FGF12: variants seen among roughly 807,000 people sequenced by gnomAD.
The protein encoded by FGF12 is fibroblast growth factor 12B.
In FGF12, 14 loss-of-function variants were observed where a neutral mutation model predicts 23.6. The ratio of observed to expected loss-of-function variants is 0.59; its 90% CI spans 0.39 to 0.93. The LOEUF (loss-of-function observed/expected upper bound fraction) is 0.93, where lower values mean the gene tolerates loss of function less well. Among genes scored for constraint, FGF12 ranks in the 40% least tolerant of loss-of-function variants. The probability of loss-of-function intolerance (pLI) is 0.00; values close to 1 mark genes in which losing one functional copy is unlikely to be tolerated. For synonymous variants in FGF12, 62 were observed against 77.3 expected, an observed-to-expected ratio of 0.80 and a Z score of 1.04; for missense variants, 175 against 217.8, an observed-to-expected ratio of 0.80 and a Z score of 1.24.
intron 2 of FGF12, among the ~76,000 whole-genome samples, chr3:192,472,086 G>A (rs533527287): frequency 3.3e-5 from 5 of 151,892 alleles, no homozygotes; most frequent in Admixed American, 1.3e-4. Flanking sequence ...GTGTGATCTC[G>A]GCTCACTGCA....
chr3:192,334,438 AGG>A (rs10575981), intron 4 of FGF12, among the ~76,000 whole-genome samples: 1,802 of 152,232 alleles, frequency 0.012, 43 homozygotes, highest in African/African-American at 0.041. Flanking sequence ...ATAAAAAGTA[AGG>A]GTGGAAATCT....
At chr3:192,479,268 C>T (rs535617917) in intron 2 of FGF12, among the ~76,000 whole-genome samples, 2 of 152,264 alleles carry the variant, frequency 1.3e-5, no homozygotes, top group South Asian at 2.1e-4. Context: ...CACCATCATC[C>T]TTTCAGAAGG....
chr3:192,149,101 T>C (rs577029246), intron 5 of FGF12, among the ~76,000 whole-genome samples: 1 of 152,314 alleles, frequency 6.6e-6, no homozygotes, highest in African/African-American at 2.4e-5. Flanking sequence ...AGTGAAGAGT[T>C]AATATACTTA....
At chr3:192,443,575 A>C (rs997176928) in intron 2 of FGF12, among the ~76,000 whole-genome samples, 18 of 152,254 alleles carry the variant, frequency 1.2e-4, no homozygotes, top group African/African-American at 4.1e-4. Context: ...TTCTGCTTCA[A>C]AACTTACAGC....
intron 3 of FGF12, among the ~76,000 whole-genome samples, chr3:192,346,040 T>TA (rs5855418): frequency 0.5 from 75,118 of 151,588 alleles, 20,983 homozygotes; most frequent in East Asian, 0.84. Flanking sequence ...TTTTAGAAAT[T>TA]AGGGATAAAA....
At chr3:192,373,970 C>A (rs1270693962) in intron 2 of FGF12, among the ~76,000 whole-genome samples, 1 of 152,174 alleles carries the variant, frequency 6.6e-6, no homozygotes, top group Non-Finnish European at 1.5e-5. Flanking sequence ...AGACGGTCAG[C>A]TTGACTTTAA....
At chr3:192,607,968 T>C (rs983162619) in intron 2 of FGF12, among the ~76,000 whole-genome samples, 1 of 152,108 alleles carries the variant, frequency 6.6e-6, no homozygotes, top group Non-Finnish European at 1.5e-5. Flanking sequence ...AACATGTCCT[T>C]GCCATTATTG....
intron 2 of FGF12, chr3:192,517,070 G>T (rs1385665759): frequency 6.6e-6 from 1 of 152,232 alleles, no homozygotes; most frequent in African/African-American, 2.4e-5. Flanking sequence ...TTTGAGGGAA[G>T]TGCTACTCCT....
At chr3:192,690,988 C>G (rs1320647853) in intron 2 of FGF12, among the ~76,000 whole-genome samples, 1 of 151,884 alleles carries the variant, frequency 6.6e-6, no homozygotes, top group Non-Finnish European at 1.5e-5. Flanking sequence ...GAGTCTACCA[C>G]AATGATAAAT....
chr3:192,503,721 T>A (rs2108834832), intron 2 of FGF12, among the ~76,000 whole-genome samples: 1 of 151,224 alleles, frequency 6.6e-6, no homozygotes, highest in Admixed American at 6.6e-5. Flanking sequence ...TTCTCCTGCC[T>A]CAGCCTCCGG....
At chr3:192,617,261 A>G (rs1341127264) in intron 2 of FGF12, among the ~76,000 whole-genome samples, 13 of 152,124 alleles carry the variant, frequency 8.5e-5, no homozygotes, top group Admixed American at 8.5e-4. Flanking sequence ...AGAAGTTTGA[A>G]AAAGTCATTG....
At chr3:192,170,363 T>C (rs1384180163) in intron 5 of FGF12, 95 bp downstream of exon 5, 26 of 925,254 alleles carry the variant, frequency 2.8e-5, no homozygotes, top group African/African-American at 4.9e-5. Flanking sequence ...ATCTGTTGCA[T>C]TCCAGGCAAA....
At chr3:192,224,917 G>A (rs575559973) in intron 4 of FGF12, among the ~76,000 whole-genome samples, 1 of 152,036 alleles carries the variant, frequency 6.6e-6, no homozygotes, top group African/African-American at 2.4e-5. Context: ...TGAACTACTT[G>A]TTAAAATAGA....
intron 4 of FGF12, among the ~76,000 whole-genome samples, chr3:192,318,205 G>A (rs80243742): frequency 6.0e-4 from 92 of 152,178 alleles, no homozygotes; most frequent in Middle Eastern, 3.4e-3. Flanking sequence ...ATGAACAGCC[G>A]CAAGCATCAA....
chr3:192,649,696 T>G (rs1503596), intron 2 of FGF12, among the ~76,000 whole-genome samples: 1 of 151,408 alleles, frequency 6.6e-6, no homozygotes, highest in South Asian at 2.1e-4. Context: ...TGCGGAATTA[T>G]AGGCGTGCAC....
rs143390676 is a variant in FGF12 at position 192,618,983 on chromosome 3, T to TA, written c.13+108197dup. Among the ~76,000 whole-genome samples the TA allele has an allele frequency of 2.6e-5, 4 of 151,720 alleles. No homozygotes were observed. The East Asian group carries it at 7.8e-4, about 29-fold the overall frequency. Reference sequence around the variant, plus strand: ...ATGTTAACCACTTAAAATAAGCCTATAAAAAATATATATATGTCAATATAT... The same window carrying TA: ...ATGTTAACCACTTAAAATAAGCCTATAAAAAAATATATATATGTCAATATAT... On this transcript the variant is annotated intron_variant, in intron 2 of 5. Transcript: ENST00000445105.
intron 5 of FGF12, among the ~76,000 whole-genome samples, chr3:192,150,628 G>A (rs1713997493): frequency 6.7e-6 from 1 of 148,936 alleles, no homozygotes; most frequent in Admixed American, 6.7e-5. Flanking sequence ...ATAGTTGTAG[G>A]TATGCGGCAT....
intron 4 of FGF12, among the ~76,000 whole-genome samples, chr3:192,320,474 A>G (rs1716478065): frequency 6.6e-6 from 1 of 152,128 alleles, no homozygotes; most frequent in South Asian, 2.1e-4. Context: ...GGCTTAATAA[A>G]TACAGAGCAT....
Position 192,630,971 on chromosome 3 carries a change from T to C in FGF12, c.13+96210A>G, listed in dbSNP as rs73054497. Among the ~76,000 whole-genome samples, 976 of 152,204 alleles carry C rather than the reference T, an allele frequency of 6.4e-3. 13 individuals are homozygous for C. The highest frequency in any genetic ancestry group is 0.022 in the African/African-American group (925 of 41,526). On this transcript the variant is annotated intron_variant, in intron 2 of 5. Transcript: ENST00000445105. The stretch of plus-strand genomic sequence containing the variant: ...AGCTATGTTTCACATCTGCAGGCAC[T>C]TCCAATTCTGGCTTTCCCCCCAAAT...
Sources: allele counts gnomAD v4.1 joint callset (sites outside exome capture counted in the v4.1 genomes callset), GRCh38; gene constraint gnomAD v4.1.1; transcripts MANE v1.5; gene names NCBI Gene and HGNC (gene_info 2026-07-23, HGNC 2026-07-21).